QTMAN: variants seen among roughly 807,000 people sequenced by gnomAD.
QTMAN encodes tRNA-queuosine alpha-mannosyltransferase.
the QTMAN span, among the ~76,000 whole-genome samples, chr2:144,318,058 C>T: frequency 6.6e-6 from 1 of 151,978 alleles, no homozygotes; most frequent in East Asian, 1.9e-4. Flanking sequence ...CGTCCCTTTC[C>T]CCTTATTGAA....
chr2:144,103,280 G>A, the QTMAN span, among the ~76,000 whole-genome samples: 2 of 152,234 alleles, frequency 1.3e-5, no homozygotes, highest in African/African-American at 4.8e-5. Context: ...ACAATGCTAT[G>A]TAAAACTGGA....
At chr2:143,990,391 G>T in the QTMAN span, among the ~76,000 whole-genome samples, 1 of 152,288 alleles carries the variant, frequency 6.6e-6, no homozygotes, top group South Asian at 2.1e-4. Context: ...AGAAGGTAAT[G>T]GGTTGGGATA....
chr2:143,959,672 C>T, the QTMAN span, among the ~76,000 whole-genome samples: 1 of 151,990 alleles, frequency 6.6e-6, no homozygotes, highest in Non-Finnish European at 1.5e-5. Flanking sequence ...TTTAAAAATA[C>T]ATAAAAATGA....
chr2:144,152,942 T>A, the QTMAN span, among the ~76,000 whole-genome samples: 2 of 152,094 alleles, frequency 1.3e-5, no homozygotes, highest in Non-Finnish European at 2.9e-5. Flanking sequence ...AGGCACTAAG[T>A]GCTATGGCCA....
the QTMAN span, among the ~76,000 whole-genome samples, chr2:144,025,406 T>C: frequency 2.0e-5 from 3 of 152,120 alleles, no homozygotes; most frequent in Admixed American, 6.5e-5. Context: ...CTGACCAAAG[T>C]TGTCAACATG....
chr2:144,195,906 A>G, the QTMAN span, among the ~76,000 whole-genome samples: 1 of 152,184 alleles, frequency 6.6e-6, no homozygotes, highest in Non-Finnish European at 1.5e-5. Flanking sequence ...CTTAAAAGTT[A>G]TCATCTCTTC....
chr2:144,114,032 C>T, the QTMAN span, among the ~76,000 whole-genome samples: 1 of 152,152 alleles, frequency 6.6e-6, no homozygotes, highest in African/African-American at 2.4e-5. Flanking sequence ...CCCTTTGTGG[C>T]TTCTCACATC....
the QTMAN span, among the ~76,000 whole-genome samples, chr2:144,318,159 T>C: frequency 6.6e-6 from 1 of 151,084 alleles, no homozygotes; most frequent in Non-Finnish European, 1.5e-5. Context: ...ACCTTATCTA[T>C]AAGGTAAAAA....
the QTMAN span, among the ~76,000 whole-genome samples, chr2:144,164,323 G>A: frequency 6.6e-6 from 1 of 152,170 alleles, no homozygotes; most frequent in Admixed American, 6.5e-5. Flanking sequence ...ATAGGGTGGT[G>A]TGAGATGTGT....
At chr2:144,068,465 G>A in the QTMAN span, among the ~76,000 whole-genome samples, 3 of 152,138 alleles carry the variant, frequency 2.0e-5, no homozygotes, top group South Asian at 4.1e-4. Flanking sequence ...ATTTATGTCA[G>A]AATGTATTTT....
the QTMAN span, among the ~76,000 whole-genome samples, chr2:144,030,144 T>C: frequency 6.6e-6 from 1 of 152,234 alleles, no homozygotes; most frequent in East Asian, 1.9e-4. Context: ...ATGATTTGAA[T>C]AAGGGGGTTG....
At chr2:144,104,857 C>A in the QTMAN span, among the ~76,000 whole-genome samples, 3 of 152,212 alleles carry the variant, frequency 2.0e-5, no homozygotes, top group Non-Finnish European at 4.4e-5. Context: ...AGGCACCCCC[C>A]AGTAGGGGCA....
At chr2:144,070,638 A>G in the QTMAN span, among the ~76,000 whole-genome samples, 1 of 152,218 alleles carries the variant, frequency 6.6e-6, no homozygotes, top group South Asian at 2.1e-4. Context: ...TGTTAACACA[A>G]TAGACCATCT....
the QTMAN span, among the ~76,000 whole-genome samples, chr2:144,202,228 T>TAAGGA: frequency 6.6e-6 from 1 of 151,846 alleles, no homozygotes; most frequent in Non-Finnish European, 1.5e-5. Flanking sequence ...AAAGAAAGGA[T>TAAGGA]AAGGAAAGGA....
the QTMAN span, chr2:143,941,107 T>C: frequency 1.3e-5 from 2 of 152,222 alleles, no homozygotes; most frequent in African/African-American, 4.8e-5. Flanking sequence ...CACAGCCTAC[T>C]GAAAGAGCCC....
chr2:143,974,245 A>C, the QTMAN span, among the ~76,000 whole-genome samples: 5 of 152,186 alleles, frequency 3.3e-5, no homozygotes, highest in Admixed American at 6.5e-5. Flanking sequence ...TGCTGGTAGG[A>C]ATATAAATTG....
At chr2:143,948,026 CAT>C in the QTMAN span, among the ~76,000 whole-genome samples, 1 of 152,064 alleles carries the variant, frequency 6.6e-6, no homozygotes, top group Non-Finnish European at 1.5e-5. Context: ...ACATCACAAA[CAT>C]TTCATGTTTA....
At chr2:143,955,911 C>T in the QTMAN span, among the ~76,000 whole-genome samples, 9 of 152,166 alleles carry the variant, frequency 5.9e-5, no homozygotes, top group Non-Finnish European at 1.0e-4. Flanking sequence ...CAGCTGTGCA[C>T]ATTAAGGATT....
the QTMAN span, chr2:144,145,485 A>C: frequency 2.2e-6 from 2 of 895,258 alleles, no homozygotes; most frequent in Non-Finnish European, 3.5e-6. Flanking sequence ...AAAGGTGTAC[A>C]ATAGTAGGTC....
Sources: allele counts gnomAD v4.1 joint callset (sites outside exome capture counted in the v4.1 genomes callset), GRCh38; gene constraint gnomAD v4.1.1; transcripts MANE v1.5; gene names NCBI Gene and HGNC (gene_info 2026-07-23, HGNC 2026-07-21).